The following CDH1 variants were observed in gnomAD, a reference collection of about 807,000 sequenced individuals.
CDH1 encodes the protein cadherin 1, also known as cadherin-1.
In CDH1, 35 loss-of-function variants were observed where a neutral mutation model predicts 84.5. That is an observed-to-expected ratio of 0.41 (90% CI 0.32 to 0.55). CDH1 has a LOEUF of 0.55. CDH1 is among the 20% of genes least tolerant of loss of function. The pLI is 0.19. For synonymous variants in CDH1, 417 were observed against 439.0 expected, an observed-to-expected ratio of 0.95 and a Z score of 0.63; for missense variants, 994 against 1,126.6, an observed-to-expected ratio of 0.88 and a Z score of 1.68.
chr16:68,826,154 A>T (rs540116425), intron 13 of CDH1, among the ~76,000 whole-genome samples: 2 of 148,288 alleles, frequency 1.3e-5, no homozygotes, highest in African/African-American at 2.5e-5. Flanking sequence ...TACTTGAAAT[A>T]TTTTTTTTTT....
intron 3 of CDH1, among the ~76,000 whole-genome samples, chr16:68,804,628 A>G (rs1056614595): frequency 7.2e-5 from 11 of 152,098 alleles, no homozygotes; most frequent in African/African-American, 2.7e-4. Context: ...AATCAGAAAC[A>G]AAGAGTGGAT....
chr16:68,823,733 G>C (rs926281089), intron 13 of CDH1, 107 bp downstream of exon 13: 9 of 765,284 alleles, frequency 1.2e-5, no homozygotes, highest in Non-Finnish European at 2.0e-5. Flanking sequence ...TAGGTTAGCT[G>C]ATGTGGGAAA....
In CDH1 at chr16:68,811,797, A is replaced by G. The variant is rs761182866; in HGVS notation, c.946A>G (p.Met316Val). Residue 316 changes from methionine (M) to valine (V), a missense_variant, in exon 7 of 16, where the codon ATG (methionine) becomes GTG (valine). Around this residue, in one of 3 missense-constraint regions of CDH1, gnomAD observed 769 missense variants for 881.8 expected, o/e 0.87. Transcript: ENST00000261769. Reference sequence around the variant, plus strand: ...AGATCCTGAGCTCCCTGACAAAAATATGTTCACCATTAACAGGAACACAGG... The same window carrying G: ...AGATCCTGAGCTCCCTGACAAAAATGTGTTCACCATTAACAGGAACACAGG... ...SQDPELPDKN[M>V]FTINRNTGVI... 3.7e-6 allele frequency: 6 copies of G among 1,614,180 alleles called. No individual in the cohort carries two copies. Among genetic ancestry groups the G allele is most frequent in the Middle Eastern group, 1.6e-4 (1 of 6,062 alleles).
At chr16:68,740,445 C>T (rs1962533344) in intron 2 of CDH1, among the ~76,000 whole-genome samples, 1 of 151,962 alleles carries the variant, frequency 6.6e-6, no homozygotes, top group Non-Finnish European at 1.5e-5. Flanking sequence ...TCCCAGAGTG[C>T]TGGGGATTGG....
In CDH1 at chr16:68,829,710, T is replaced by C. The variant is rs768796172; in HGVS notation, c.2352T>C (p.Arg784=). 4.3e-6 allele frequency: 7 copies of C among 1,614,162 alleles called. No homozygotes were observed. The highest frequency in any genetic ancestry group is 5.9e-6 in the Non-Finnish European group (7 of 1,180,014). Residue 784 remains arginine (R), a synonymous_variant, in exon 15 of 16, where the codon CGT becomes CGC. Transcript: ENST00000261769. ...TGGACGCTCGGCCTGAAGTGACTCG[T>C]AACGACGTTGCACCAACCCTCATGA... The part of the protein sequence containing the change: ...RGLDARPEVT[R]NDVAPTLMSV...
intron 2 of CDH1, among the ~76,000 whole-genome samples, chr16:68,773,167 A>C (rs942746997): frequency 6.6e-6 from 1 of 152,032 alleles, no homozygotes; most frequent in Non-Finnish European, 1.5e-5. Context: ...GCAGCTGGAG[A>C]AGGTGGGTGT....
At chr16:68,792,523 G>A (rs746190033) in intron 2 of CDH1, among the ~76,000 whole-genome samples, 21 of 152,112 alleles carry the variant, frequency 1.4e-4, no homozygotes, top group Admixed American at 5.2e-4. Flanking sequence ...TACGCCCTGC[G>A]ACACTGACTT....
intron 2 of CDH1, among the ~76,000 whole-genome samples, chr16:68,784,828 A>T (rs577696416): frequency 4.0e-5 from 6 of 149,954 alleles, no homozygotes; most frequent in Admixed American, 3.3e-4. Context: ...TTAACAGCTT[A>T]TAAGTTCCTA....
At chr16:68,830,675 C>A (rs1289021516) in intron 15 of CDH1, among the ~76,000 whole-genome samples, 1 of 152,236 alleles carries the variant, frequency 6.6e-6, no homozygotes, top group Admixed American at 6.5e-5. Context: ...TCTTCTCAGG[C>A]TTGTTGTCTC....
At chr16:68,745,549 A>ATATATATATATATATATTT (rs1285099283) in intron 2 of CDH1, among the ~76,000 whole-genome samples, 1 of 75,182 alleles carries the variant, frequency 1.3e-5, no homozygotes, top group Non-Finnish European at 2.4e-5. Flanking sequence ...AAAAAAAAAA[A>ATATATATATATATATATTT]ATATATATAT....
At chr16:68,823,359 C>A in intron 12 of CDH1, 40 bp from the exon 13 acceptor site, 2 of 1,403,262 alleles carry the variant, frequency 1.4e-6, no homozygotes, top group Non-Finnish European at 2.0e-6. Context: ...TTTTATTTTC[C>A]TCCCCTGGTC....
intron 3 of CDH1, among the ~76,000 whole-genome samples, chr16:68,804,102 CTTTTTTTTTTTTTT>C (rs10563852): frequency 1.3e-4 from 10 of 75,092 alleles, no homozygotes; most frequent in South Asian, 5.0e-4. Context: ...ATCTGTCTGC[CTTTTTTTTTTTTTT>C]TTTTTTTTTT....
At chr16:68,771,841 A>G (rs1327521927) in intron 2 of CDH1, among the ~76,000 whole-genome samples, 1 of 151,902 alleles carries the variant, frequency 6.6e-6, no homozygotes, top group Non-Finnish European at 1.5e-5. Context: ...TCTGCCTCCT[A>G]AAGTGCTGGG....
intron 2 of CDH1, among the ~76,000 whole-genome samples, chr16:68,766,414 A>G (rs1567485155): frequency 6.6e-6 from 1 of 152,156 alleles, no homozygotes; most frequent in Non-Finnish European, 1.5e-5. Flanking sequence ...AAACTGGCCC[A>G]GGCTCTCCCA....
At chr16:68,809,857 C>A (rs1478940845) in intron 5 of CDH1, among the ~76,000 whole-genome samples, 1 of 152,088 alleles carries the variant, frequency 6.6e-6, no homozygotes, top group Admixed American at 6.6e-5. Context: ...TCAGAAATAT[C>A]TGGGGGAAAT....
At chr16:68,779,593 C>T (rs1959820339) in intron 2 of CDH1, among the ~76,000 whole-genome samples, 1 of 152,210 alleles carries the variant, frequency 6.6e-6, no homozygotes, top group African/African-American at 2.4e-5. Context: ...CGATGGCTCA[C>T]ACCTGTAATC....
chr16:68,765,690 C>CTTTTTTTTT (rs5817651), intron 2 of CDH1: 4 of 146,204 alleles, frequency 2.7e-5, no homozygotes, highest in Non-Finnish European at 1.5e-5. Flanking sequence ...GACCTGTCTC[C>CTTTTTTTTT]TTTTTTTTTT....
intron 2 of CDH1, among the ~76,000 whole-genome samples, chr16:68,796,438 A>G (rs1264992894): frequency 6.6e-6 from 1 of 152,108 alleles, no homozygotes; most frequent in Non-Finnish European, 1.5e-5. Context: ...TCTTGTTTCT[A>G]CCCACTCACA....
intron 2 of CDH1, among the ~76,000 whole-genome samples, chr16:68,738,640 T>C (rs1407901082): frequency 6.6e-6 from 1 of 152,202 alleles, no homozygotes; most frequent in African/African-American, 2.4e-5. Context: ...AAGAGGAGGT[T>C]GAGGGCACTT....
Sources: allele counts gnomAD v4.1 joint callset (sites outside exome capture counted in the v4.1 genomes callset), GRCh38; gene constraint gnomAD v4.1.1; regional missense constraint gnomAD v4.1.1; transcripts MANE v1.5; gene names NCBI Gene and HGNC (gene_info 2026-07-23, HGNC 2026-07-21).